Variants in ATP11A observed in about 807,000 individuals in gnomAD.
The protein encoded by ATP11A is phospholipid-transporting ATPase IH.
In ATP11A, 81 loss-of-function variants were observed where a neutral mutation model predicts 154.4. The ratio of observed to expected loss-of-function variants is 0.52; its 90% CI spans 0.44 to 0.63. The LOEUF is 0.63. Among genes scored for constraint, ATP11A ranks in the 30% least tolerant of loss-of-function variants. The pLI, the probability that ATP11A is intolerant of heterozygous loss-of-function variation, is 0.00. For missense variants in ATP11A, 1,316 were observed against 1,474.3 expected (o/e 0.89, Z 1.76); for synonymous variants, 623 against 585.9 (o/e 1.06, Z -0.91).
At chr13:112,824,661 C>T (rs545290481) in intron 10 of ATP11A, among the ~76,000 whole-genome samples, 6 of 152,188 alleles carry the variant, frequency 3.9e-5, no homozygotes, top group African/African-American at 1.2e-4. Flanking sequence ...CTGCCTCTTA[C>T]GGACGCCCTG....
intron 1 of ATP11A, among the ~76,000 whole-genome samples, chr13:112,705,836 T>C (rs1301352950): frequency 6.6e-6 from 1 of 152,248 alleles, no homozygotes; most frequent in African/African-American, 2.4e-5. Context: ...GATGTATTGC[T>C]TTATTGAACG....
intron 6 of ATP11A, among the ~76,000 whole-genome samples, chr13:112,818,060 C>T (rs2078691075): frequency 6.6e-6 from 1 of 152,236 alleles, no homozygotes; most frequent in African/African-American, 2.4e-5. Context: ...TAAGCGCCCC[C>T]TGATTTGTGT....
At chr13:112,755,131 G>C (rs965617159) in intron 1 of ATP11A, among the ~76,000 whole-genome samples, 2 of 151,700 alleles carry the variant, frequency 1.3e-5, no homozygotes, top group African/African-American at 2.4e-5. Context: ...ATTTTCACGT[G>C]TCCCCAAACA....
chr13:112,881,222 C>A (rs1001848557), intron 29 of ATP11A: 56 of 989,236 alleles, frequency 5.7e-5, no homozygotes, highest in Non-Finnish European at 6.5e-5. Flanking sequence ...GGCCTCCTGC[C>A]GCTCCCCTTG....
At chr13:112,711,003 C>G (rs1340974503) in intron 1 of ATP11A, among the ~76,000 whole-genome samples, 3 of 115,412 alleles carry the variant, frequency 2.6e-5, no homozygotes, top group Non-Finnish European at 4.9e-5. Context: ...GAAGCAGGGA[C>G]TCGGTTCTCA....
chr13:112,700,978 G>C (rs1208941102), intron 1 of ATP11A, among the ~76,000 whole-genome samples: 1 of 152,230 alleles, frequency 6.6e-6, no homozygotes, highest in East Asian at 1.9e-4. Context: ...TTCCACGTTA[G>C]CGCTGTGGGG....
chr13:112,727,883 C>T (rs974879011), intron 1 of ATP11A, among the ~76,000 whole-genome samples: 1 of 152,246 alleles, frequency 6.6e-6, no homozygotes, highest in African/African-American at 2.4e-5. Flanking sequence ...GGCTGAGCCC[C>T]ATTTCTCACA....
intron 1 of ATP11A, among the ~76,000 whole-genome samples, chr13:112,718,904 G>A (rs1268993449): frequency 2.0e-5 from 3 of 152,024 alleles, no homozygotes; most frequent in East Asian, 3.9e-4. Flanking sequence ...GGTCTCGAAC[G>A]TCTGACCTCC....
At chr13:112,734,531 G>A (rs1890802372) in intron 1 of ATP11A, among the ~76,000 whole-genome samples, 2 of 152,090 alleles carry the variant, frequency 1.3e-5, no homozygotes, top group Admixed American at 6.6e-5. Context: ...ATCAACCGCC[G>A]AGGAACTGCA....
chr13:112,735,846 C>T (rs1890944124), intron 1 of ATP11A, among the ~76,000 whole-genome samples: 1 of 152,216 alleles, frequency 6.6e-6, no homozygotes, highest in African/African-American at 2.4e-5. Context: ...AAGTTGGGCT[C>T]AGCACTAAGG....
intron 1 of ATP11A, among the ~76,000 whole-genome samples, chr13:112,720,291 C>T (rs1013449924): frequency 3.9e-5 from 6 of 152,212 alleles, no homozygotes; most frequent in African/African-American, 7.2e-5. Context: ...TTTCTTGAAA[C>T]GGGTGTCACA....
In ATP11A at chr13:112,881,963, G is replaced by T. The variant is rs777231712; in HGVS notation, c.*97G>T. On this transcript the variant is annotated 3_prime_UTR_variant, in exon 30 of 30. Coordinates refer to ENST00000375645, the MANE Select transcript of ATP11A (RefSeq NM_015205.3). The stretch of plus-strand genomic sequence containing the variant: ...GACACTCGCGGCCTGGAAGGAGAAG[G>T]TGTCCACGGAGCCCCCACCCATCCT... 10 of 1,367,774 alleles carry T rather than the reference G, an allele frequency of 7.3e-6. No homozygotes were observed. Among genetic ancestry groups the T allele is most frequent in the Non-Finnish European group, 9.8e-6 (10 of 1,021,978 alleles). The allele number at this position is 1,367,774 out of a possible 1,614,324, so 84.7% of individuals were successfully genotyped here.
Position 112,875,949 on chromosome 13 carries a change from G to C in ATP11A, c.3327+8G>C, listed in dbSNP as rs545446709. ...GCAACAGAGAGAGTCCAGGTACGGA[G>C]TGTCCCCAGCCGGGGCGGGGGTGCC... is the stretch of plus-strand genomic sequence containing the variant. On this transcript the variant is annotated splice_region_variant and intron_variant, in intron 28 of 29. Transcript: ENST00000375645. This position sits in a 1 kb window ranked among gnomAD's most constrained non-coding sequence, Gnocchi z 4.1. The C allele has an allele frequency of 2.5e-6, 4 of 1,605,238 alleles. No homozygotes were observed. In the African/African-American group the frequency reaches 5.3e-5, roughly 21 times the overall value.
At chr13:112,786,979 G>A (rs1398108633) in intron 2 of ATP11A, among the ~76,000 whole-genome samples, 5 of 150,192 alleles carry the variant, frequency 3.3e-5, no homozygotes, top group East Asian at 3.9e-4. Flanking sequence ...GTCCTGATGC[G>A]TAGACCCCTG....
At chr13:112,820,934 C>T (rs151168506) in intron 8 of ATP11A, among the ~76,000 whole-genome samples, 2 of 152,332 alleles carry the variant, frequency 1.3e-5, no homozygotes, top group African/African-American at 4.8e-5. Flanking sequence ...TTGTAAGTCT[C>T]CAGGAGCTAC....
intron 4 of ATP11A, among the ~76,000 whole-genome samples, chr13:112,808,802 C>G (rs1244169278): frequency 6.6e-6 from 1 of 152,216 alleles, no homozygotes; most frequent in Non-Finnish European, 1.5e-5. Flanking sequence ...CGGCCTTTCC[C>G]TGTGGCACCC....
At chr13:112,809,351 A>G (rs1023695641) in intron 4 of ATP11A, among the ~76,000 whole-genome samples, 1 of 152,160 alleles carries the variant, frequency 6.6e-6, no homozygotes, top group Non-Finnish European at 1.5e-5. Flanking sequence ...AGGCTTCTTA[A>G]TTCTCCAGAA....
At chr13:112,861,992 T>TAAGGTGTCACAG (rs1566585608) in intron 24 of ATP11A, among the ~76,000 whole-genome samples, 8 of 150,698 alleles carry the variant, frequency 5.3e-5, no homozygotes, top group East Asian at 2.0e-4. Context: ...AGGTGTCACG[T>TAAGGTGTCACAG]CAGGCGTAAG....
In ATP11A at chr13:112,883,357, G is replaced by A. The variant is rs931446869; in HGVS notation, c.*1491G>A. 5.0e-6 allele frequency: 2 copies of A among 396,610 alleles called. No individual in the cohort carries two copies. The highest frequency in any genetic ancestry group is 2.9e-4 in the South Asian group (2 of 7,014). 24.6% of individuals were successfully genotyped at this position (396,610 alleles called of 1,614,324 possible). A position where few individuals can be genotyped will look rare whatever the true frequency, so the allele number is the denominator to read the frequency against. ...CCTTAAAGAAGACATTTCAGTGTGA[G>A]ATTCAGACTTCAGACGCTGAAACTG... On this transcript the variant is annotated 3_prime_UTR_variant, in exon 30 of 30. Coordinates refer to ENST00000375645, the MANE Select transcript of ATP11A (RefSeq NM_015205.3).
Sources: allele counts gnomAD v4.1 joint callset (sites outside exome capture counted in the v4.1 genomes callset), GRCh38; gene constraint gnomAD v4.1.1; non-coding constraint Gnocchi (gnomAD v3.1); transcripts MANE v1.5; gene names NCBI Gene and HGNC (gene_info 2026-07-23, HGNC 2026-07-21).